Variants in MARCHF1 observed in about 807,000 individuals in gnomAD.
The protein encoded by MARCHF1 is membrane associated ring-CH-type finger 1, also known as E3 ubiquitin-protein ligase MARCHF1.
MARCHF1 carries 40 observed loss-of-function variants against 54.2 expected under a neutral mutation model. The ratio of observed to expected loss-of-function variants is 0.74; its 90% CI spans 0.57 to 0.96. The LOEUF is 0.96. Among genes scored for constraint, MARCHF1 ranks in the 40% least tolerant of loss-of-function variants. MARCHF1 has a pLI of 0.00. For synonymous variants in MARCHF1, 236 were observed against 236.3 expected, an observed-to-expected ratio of 1.00 and a Z score of 0.01; for missense variants, 586 against 656.5, an observed-to-expected ratio of 0.89 and a Z score of 1.17.
intron 4 of MARCHF1, among the ~76,000 whole-genome samples, chr4:163,771,143 T>C (rs1747145290): frequency 6.6e-6 from 1 of 152,236 alleles, no homozygotes. Flanking sequence ...TAATTATGTA[T>C]CCTTGAATTT....
rs144693815 is a variant in MARCHF1, at chr4:164,337,289, T to C, written c.-323+46581A>G. On this transcript the variant is annotated intron_variant, in intron 1 of 9. Coordinates refer to ENST00000514618, the MANE Select transcript of MARCHF1 (RefSeq NM_001394959.1). The stretch of plus-strand genomic sequence containing the variant: ...AAAGAAGTTCCACCAGACTGTTGGA[T>C]CACAAAAATCTGAAAATAGATGCAT... Among the ~76,000 whole-genome samples, 51 of 152,150 alleles carry C rather than the reference T, an allele frequency of 3.4e-4. 1 individual carries two copies. In the East Asian group the frequency reaches 8.9e-3, roughly 27 times the overall value.
At chr4:163,760,801 A>T (rs762639260) in intron 4 of MARCHF1, among the ~76,000 whole-genome samples, 10 of 152,182 alleles carry the variant, frequency 6.6e-5, no homozygotes, top group Non-Finnish European at 1.5e-4. Flanking sequence ...TCATTTACTA[A>T]TTATGGGTTA....
intron 3 of MARCHF1, among the ~76,000 whole-genome samples, chr4:163,875,483 T>C (rs986192437): frequency 5.9e-5 from 9 of 152,054 alleles, no homozygotes; most frequent in African/African-American, 2.2e-4. Flanking sequence ...ACTCCCTTAA[T>C]TACATTCCCT....
At chr4:164,055,990 G>A (rs13107522) in intron 2 of MARCHF1, among the ~76,000 whole-genome samples, 76,582 of 151,836 alleles carry the variant, frequency 0.5, 20,377 homozygotes, top group Non-Finnish European at 0.6. Flanking sequence ...CTTTCAAAGA[G>A]CTTTGCGATG....
chr4:163,797,999 C>G (rs879804993), intron 4 of MARCHF1, among the ~76,000 whole-genome samples: 1 of 152,140 alleles, frequency 6.6e-6, no homozygotes, highest in Non-Finnish European at 1.5e-5. Context: ...GTTAAAGGTA[C>G]AGTCTTCAAG....
intron 8 of MARCHF1, among the ~76,000 whole-genome samples, chr4:163,562,274 C>T (rs1047604698): frequency 2.6e-5 from 4 of 151,274 alleles, no homozygotes; most frequent in African/African-American, 4.9e-5. Context: ...TCCAGCCTGG[C>T]GTCAGAGCCA....
intron 5 of MARCHF1, among the ~76,000 whole-genome samples, chr4:163,640,407 A>G (rs1285727408): frequency 1.3e-5 from 2 of 152,140 alleles, no homozygotes; most frequent in South Asian, 2.1e-4. Flanking sequence ...TGAAGATTCT[A>G]TCAAAAATGT....
intron 3 of MARCHF1, among the ~76,000 whole-genome samples, chr4:163,854,371 C>T (rs76901009): frequency 0.014 from 2,125 of 152,170 alleles, 44 homozygotes; most frequent in East Asian, 0.075. Context: ...AAAGAGTATA[C>T]ATCTTTTCAA....
chr4:164,270,668 C>T (rs1733723843), intron 1 of MARCHF1, among the ~76,000 whole-genome samples: 1 of 152,168 alleles, frequency 6.6e-6, no homozygotes, highest in Admixed American at 6.5e-5. Flanking sequence ...ACATCACCAC[C>T]ACAATAATGG....
chr4:164,017,001 T>C (rs952352892), intron 2 of MARCHF1, among the ~76,000 whole-genome samples: 4 of 152,006 alleles, frequency 2.6e-5, no homozygotes, highest in Non-Finnish European at 5.9e-5. Flanking sequence ...AAGTCCAAAA[T>C]ATTTCAAATA....
At chr4:164,068,677 G>T (rs1381517485) in intron 2 of MARCHF1, among the ~76,000 whole-genome samples, 1 of 152,250 alleles carries the variant, frequency 6.6e-6, no homozygotes, top group African/African-American at 2.4e-5. Flanking sequence ...CCTCCCTGAC[G>T]AGTGCCGCCC....
rs982291890 is a variant in MARCHF1 at position 163,809,933 on chromosome 4, C to T, written c.111+44088G>A. On this transcript the variant is annotated intron_variant, in intron 4 of 9. Transcript: ENST00000514618. ...AATCTTTCAGATTCAGTAACTACCA[C>T]AAAACTTTTTTTTCCTGTCTTAGAA... 2.6e-5 allele frequency among the ~76,000 whole-genome samples: 4 copies of T among 152,140 alleles called. No homozygotes were observed. The East Asian group carries it at 5.8e-4, about 22-fold the overall frequency.
At chr4:163,581,578 G>C (rs1239216074) in intron 8 of MARCHF1, among the ~76,000 whole-genome samples, 11 of 152,142 alleles carry the variant, frequency 7.2e-5, no homozygotes, top group Non-Finnish European at 1.5e-4. Flanking sequence ...ACCTGCTATG[G>C]TAACTTGTAC....
chr4:163,666,862 G>A (rs1743552522), intron 5 of MARCHF1, among the ~76,000 whole-genome samples: 2 of 152,038 alleles, frequency 1.3e-5, no homozygotes, highest in African/African-American at 4.8e-5. Context: ...CACTAAAACT[G>A]AAAAAACCTT....
At chr4:163,684,955 C>T (rs770325195) in intron 5 of MARCHF1, among the ~76,000 whole-genome samples, 10 of 152,208 alleles carry the variant, frequency 6.6e-5, no homozygotes, top group Non-Finnish European at 1.3e-4. Context: ...TCAAAGTAAG[C>T]TGCACACTAA....
At chr4:163,890,613 G>A (rs568041497) in intron 3 of MARCHF1, among the ~76,000 whole-genome samples, 43 of 152,278 alleles carry the variant, frequency 2.8e-4, no homozygotes, top group Non-Finnish European at 5.0e-4. Context: ...GTGAATACAG[G>A]TTGACAATCC....
chr4:164,183,707 A>C (rs1367132686), intron 1 of MARCHF1, among the ~76,000 whole-genome samples: 1 of 152,198 alleles, frequency 6.6e-6, no homozygotes, highest in Non-Finnish European at 1.5e-5. Flanking sequence ...CAAGATAAGC[A>C]GGTAACCACC....
At chr4:164,265,431 A>G (rs1185240566) in intron 1 of MARCHF1, among the ~76,000 whole-genome samples, 1 of 150,568 alleles carries the variant, frequency 6.6e-6, no homozygotes, top group Non-Finnish European at 1.5e-5. Flanking sequence ...GCTTCATTCA[A>G]AGTAGCTAAG....
chr4:163,532,229 G>C (rs1299056303), intron 9 of MARCHF1, among the ~76,000 whole-genome samples: 5 of 151,824 alleles, frequency 3.3e-5, no homozygotes, highest in African/African-American at 1.2e-4. Flanking sequence ...TGGTATCAAT[G>C]AAAGAATAAA....
Sources: gnomAD v4.1 joint callset for allele counts (sites outside exome capture counted in the v4.1 genomes callset) on GRCh38, gnomAD v4.1.1 for gene constraint, MANE v1.5 for transcripts, NCBI Gene and HGNC (gene_info 2026-07-23, HGNC 2026-07-21) for gene names.